The following SLC39A12 variants were observed in gnomAD, a reference collection of about 807,000 sequenced individuals.
SLC39A12 encodes the protein zinc transporter ZIP12.
SLC39A12 carries 63 observed loss-of-function variants against 71.1 expected under a neutral mutation model. The ratio of observed to expected loss-of-function variants is 0.89; its 90% confidence interval spans 0.72 to 1.09. The LOEUF (loss-of-function observed/expected upper bound fraction) is 1.09. Ranked by LOEUF, SLC39A12 falls within the 50% of genes least tolerant of loss-of-function variation. The pLI is 0.00. For synonymous variants in SLC39A12, 351 were observed against 301.3 expected (o/e 1.16, Z -1.71); for missense variants, 892 against 812.6 (o/e 1.10, Z -1.19).
intron 3 of SLC39A12, among the ~76,000 whole-genome samples, chr10:17,962,832 A>G (rs1834726648): frequency 1.3e-5 from 2 of 152,106 alleles, no homozygotes; most frequent in Non-Finnish European, 2.9e-5. Context: ...AAATGCGACC[A>G]TATTTTTATT....
chr10:18,029,107 G>A (rs1220788193), intron 12 of SLC39A12, among the ~76,000 whole-genome samples: 3 of 151,558 alleles, frequency 2.0e-5, no homozygotes, highest in African/African-American at 7.3e-5. Flanking sequence ...TCCTGAACTC[G>A]TGATCCGCCC....
chr10:17,976,088 T>C lies in SLC39A12; in HGVS notation c.752-1814T>C, dbSNP rs377371076. On this transcript the variant is annotated intron_variant, in intron 4 of 12. Coordinates refer to ENST00000377369, the MANE Select transcript of SLC39A12 (RefSeq NM_001145195.2). ...GAGATTCAAGACTGTTTTTTCTGCC[T>C]CTTCAGTGCCTATTTCAGTAATATG... Among the ~76,000 whole-genome samples, 60 of 152,276 alleles carry C rather than the reference T, an allele frequency of 3.9e-4. 2 individuals are homozygous for C. In the South Asian group the frequency reaches 4.6e-3, roughly 12 times the overall value.
rs556827371 is a variant in SLC39A12, at chr10:17,992,719, G to A, written c.1423-462G>A. On this transcript the variant is annotated intron_variant, in intron 8 of 12. Coordinates refer to ENST00000377369, the MANE Select transcript of SLC39A12 (RefSeq NM_001145195.2). ...CAAAAATGTAGAGTTTATTCAGATT[G>A]TTTATGGGCTTGTCAGGGAACTTAA... Among the ~76,000 whole-genome samples, 43 of 152,300 alleles carry A rather than the reference G, an allele frequency of 2.8e-4. No individual in the cohort carries two copies. The South Asian group carries it at 8.9e-3, about 32-fold the overall frequency.
At chr10:18,030,500 A>C (rs571515589) in intron 12 of SLC39A12, among the ~76,000 whole-genome samples, 28 of 152,038 alleles carry the variant, frequency 1.8e-4, no homozygotes, top group Admixed American at 3.9e-4. Flanking sequence ...CGGCCTCCCA[A>C]AGTGCTGGGA....
chr10:17,972,156 T>C (rs1291562708), intron 4 of SLC39A12, among the ~76,000 whole-genome samples: 4 of 152,222 alleles, frequency 2.6e-5, no homozygotes, highest in African/African-American at 9.6e-5. Flanking sequence ...TTCCTCTTGT[T>C]ATTGATTTCT....
chr10:17,977,907 G>T lies in SLC39A12; in HGVS notation c.757G>T (p.Asp253Tyr). 1 of 1,585,124 alleles carries T rather than the reference G, an allele frequency of 6.3e-7. No individual in the cohort carries two copies. Among genetic ancestry groups the T allele is most frequent in the Non-Finnish European group, 8.5e-7 (1 of 1,170,266 alleles). The change falls in exon 5 of 13, where the codon GAC becomes TAC. Residue 253 changes from aspartate to tyrosine, a missense_variant. Coordinates refer to ENST00000377369, the MANE Select transcript of SLC39A12 (RefSeq NM_001145195.2). ...ATTTTATATGAAATTTCTAGAACTAGACCAACTCCTCAACACTCTCTGGAC... is the reference window on the plus strand; with the variant it reads ...ATTTTATATGAAATTTCTAGAACTATACCAACTCCTCAACACTCTCTGGAC... ...RTNTLRLSEL[D>Y]QLLNTLWTRS...
At position 17,953,075 on chromosome 10, in the gene SLC39A12, C is replaced by T. The variant is rs1348793006; in HGVS notation, c.-86-116C>T. 4 of 638,604 alleles carry T rather than the reference C, an allele frequency of 6.3e-6. No homozygotes were observed. The Admixed American group carries it at 9.2e-5, about 15-fold the overall frequency. 39.6% of individuals were successfully genotyped at this position (638,604 alleles called of 1,614,324 possible). A position where few individuals can be genotyped will look rare whatever the true frequency, so the allele number is the denominator to read the frequency against. ...GGGGTTAGAAATTACCTACAGACCC[C>T]CGCTGTGTAGAAACAGCTTGTCATT... On this transcript the variant is annotated intron_variant, in intron 1 of 12. Coordinates refer to ENST00000377369, the MANE Select transcript of SLC39A12 (RefSeq NM_001145195.2).
intron 1 of SLC39A12, among the ~76,000 whole-genome samples, chr10:17,952,472 T>C (rs1834425922): frequency 7.2e-6 from 1 of 138,210 alleles, no homozygotes. Flanking sequence ...AAACTCTTTT[T>C]TTTTCTTTTT....
intron 7 of SLC39A12, among the ~76,000 whole-genome samples, chr10:17,988,574 C>T (rs1835463519): frequency 6.6e-6 from 1 of 152,182 alleles, no homozygotes; most frequent in Admixed American, 6.5e-5. Flanking sequence ...TTTATAGCAA[C>T]ACAAAAATGG....
chr10:18,039,330 C>T (rs1333552022), intron 12 of SLC39A12, among the ~76,000 whole-genome samples: 3 of 152,192 alleles, frequency 2.0e-5, no homozygotes, highest in Non-Finnish European at 4.4e-5. Context: ...TTGTGTCTCA[C>T]AGATGCAGTT....
chr10:18,004,965 A>G (rs1835969883), intron 12 of SLC39A12, among the ~76,000 whole-genome samples: 1 of 152,030 alleles, frequency 6.6e-6, no homozygotes, highest in Admixed American at 6.6e-5. Flanking sequence ...CCAGCAAACT[A>G]ATGCATGAAC....
intron 4 of SLC39A12, among the ~76,000 whole-genome samples, chr10:17,965,947 G>A (rs967850923): frequency 2.6e-5 from 4 of 152,188 alleles, no homozygotes; most frequent in Non-Finnish European, 4.4e-5. Flanking sequence ...GGGAGGAGGC[G>A]ATTTTATGAT....
At chr10:17,973,140 G>T (rs4748431) in intron 4 of SLC39A12, among the ~76,000 whole-genome samples, 36,433 of 151,912 alleles carry the variant, frequency 0.24, 4,539 homozygotes, top group South Asian at 0.3. Flanking sequence ...TGCCTTAATT[G>T]TGTCCCCCAA....
intron 9 of SLC39A12, among the ~76,000 whole-genome samples, chr10:17,995,403 TC>T (rs1375339125): frequency 6.6e-6 from 1 of 152,212 alleles, no homozygotes; most frequent in Non-Finnish European, 1.5e-5. Context: ...TCAGCAGCCT[TC>T]AGCTCTCTAT....
intron 4 of SLC39A12, among the ~76,000 whole-genome samples, chr10:17,966,994 G>A (rs1834842422): frequency 6.6e-6 from 1 of 151,862 alleles, no homozygotes; most frequent in Non-Finnish European, 1.5e-5. Context: ...AATTCAGTTA[G>A]TGTTCATGTT....
intron 12 of SLC39A12, among the ~76,000 whole-genome samples, chr10:18,028,326 C>G (rs1836736324): frequency 6.6e-6 from 1 of 152,274 alleles, no homozygotes; most frequent in East Asian, 1.9e-4. Flanking sequence ...GCATTGGAGG[C>G]TGATCTTTCT....
At chr10:18,028,224 G>A (rs184631274) in intron 12 of SLC39A12, among the ~76,000 whole-genome samples, 7 of 152,276 alleles carry the variant, frequency 4.6e-5, no homozygotes, top group East Asian at 1.9e-4. Context: ...CATAGGAGAC[G>A]TCTCTAAATG....
chr10:17,979,358 G>T (rs2497831), intron 5 of SLC39A12, among the ~76,000 whole-genome samples: 3 of 151,940 alleles, frequency 2.0e-5, no homozygotes, highest in African/African-American at 7.3e-5. Context: ...TCTCTGAGAA[G>T]GTATTGTAAA....
intron 4 of SLC39A12, among the ~76,000 whole-genome samples, chr10:17,977,092 C>A (rs1835129499): frequency 6.6e-6 from 1 of 151,902 alleles, no homozygotes; most frequent in African/African-American, 2.4e-5. Flanking sequence ...CTGTAGTGAA[C>A]TTTTTGTTTC....
Sources: allele counts gnomAD v4.1 joint callset (sites outside exome capture counted in the v4.1 genomes callset), GRCh38; gene constraint gnomAD v4.1.1; transcripts MANE v1.5; gene names NCBI Gene and HGNC (gene_info 2026-07-23, HGNC 2026-07-21).